Variants in EPS8L1 observed in about 807,000 individuals in gnomAD.
EPS8L1 encodes EPS8 signaling adaptor L1, also known as epidermal growth factor receptor kinase substrate 8-like protein 1.
In EPS8L1, 101 loss-of-function variants were observed where a neutral mutation model predicts 91.7. That is an observed-to-expected ratio of 1.10 (90% CI 0.94 to 1.30). The LOEUF (loss-of-function observed/expected upper bound fraction) is 1.30, where lower values mean the gene tolerates loss of function less well. EPS8L1 is among the 50% of genes most tolerant of loss of function. The pLI is 0.00. For missense variants in EPS8L1, 1,114 were observed against 1,017.0 expected (o/e 1.10, Z -1.30); for synonymous variants, 506 against 445.3 (o/e 1.14, Z -1.72).
At position 55,087,301 on chromosome 19, in the gene EPS8L1, A is replaced by G; in HGVS notation, c.1953-2A>G. 2 of 1,602,506 alleles carry G rather than the reference A, an allele frequency of 1.2e-6. No individual in the cohort carries two copies. The highest frequency in any genetic ancestry group is 1.7e-6 in the Non-Finnish European group (2 of 1,175,232). ...GACCGCGCCCGGGCTGCCCTCGCTC[A>G]GGACCGTGGACGCGCTGGGTGTGCT... On this transcript the variant is annotated splice_acceptor_variant, in intron 18 of 19. Transcript: ENST00000201647. LOFTEE classifies it high-confidence loss of function.
chr19:55,086,634 C>CGGGCCCCCCCCCCCCCCCCCCGG, intron 17 of EPS8L1, 80 bp from the exon 18 acceptor site: 1 of 1,374,858 alleles, frequency 7.3e-7, no homozygotes. Context: ...GACGCTGGAG[C>CGGGCCCCCCCCCCCCCCCCCCGG]GCCCCCCCGC....
At chr19:55,086,681 C>T (rs1234749504) in intron 17 of EPS8L1, 33 bp from the exon 18 acceptor site, 2 of 1,601,052 alleles carry the variant, frequency 1.2e-6, no homozygotes, top group Non-Finnish European at 1.7e-6. Context: ...GCCCTGAGCC[C>T]GCACTCCCTA....
rs757246099 is a variant in EPS8L1, at chr19:55,080,031, G to A, written c.280-98G>A. On this transcript the variant is annotated intron_variant, in intron 5 of 19. Transcript: ENST00000201647. ...GGCTGTTATCCCTAACCCCCTAACCGCCTGAGGTTGCCCTGACCTGCTGGC... is the reference window on the plus strand; with the variant it reads ...GGCTGTTATCCCTAACCCCCTAACCACCTGAGGTTGCCCTGACCTGCTGGC... The A allele has an allele frequency of 3.6e-5, 52 of 1,445,260 alleles. No homozygotes were observed. The Middle Eastern group carries it at 7.2e-4, about 20-fold the overall frequency. The allele number at this position is 1,445,260 out of a possible 1,614,324, so 89.5% of individuals were successfully genotyped here.
rs547442230 is a variant in EPS8L1, at chr19:55,083,441, G to A, written c.1278G>A (p.Pro426=). ...YRPEFFSGWE[P]PVTDPQSRAW... ...CCGAGTTCTTCAGCGGCTGGGAGCC[G>A]CCGGTCACTGACCCGCAGAGCCGCG... The change falls in exon 13 of 20, where the codon CCG becomes CCA. Residue 426 remains proline (P), a synonymous_variant. Coordinates refer to ENST00000201647, the MANE Select transcript of EPS8L1 (RefSeq NM_133180.3). The surrounding 1 kb of genome is among the most constrained non-coding windows in gnomAD (Gnocchi z 4.7). 17 of 1,612,704 alleles carry A rather than the reference G, an allele frequency of 1.1e-5. No homozygotes were observed. In the Admixed American group the frequency reaches 2.3e-4, roughly 22 times the overall value.
At position 55,080,030 on chromosome 19, in the gene EPS8L1, C is replaced by T. The variant is rs2076220181; in HGVS notation, c.280-99C>T. On this transcript the variant is annotated intron_variant, in intron 5 of 19. Coordinates refer to ENST00000201647, the MANE Select transcript of EPS8L1 (RefSeq NM_133180.3). Reference sequence around the variant, plus strand: ...GGGCTGTTATCCCTAACCCCCTAACCGCCTGAGGTTGCCCTGACCTGCTGG... The same window carrying T: ...GGGCTGTTATCCCTAACCCCCTAACTGCCTGAGGTTGCCCTGACCTGCTGG... 6 of 1,444,476 alleles carry T rather than the reference C, an allele frequency of 4.2e-6. No homozygotes were observed. In the South Asian group the frequency reaches 5.8e-5, roughly 14 times the overall value. The allele number at this position is 1,444,476 out of a possible 1,614,324, so 89.5% of individuals were successfully genotyped here.
intron 18 of EPS8L1, 156 bp downstream of exon 18, chr19:55,087,044 C>T (rs1251274703): frequency 3.6e-6 from 4 of 1,114,922 alleles, no homozygotes; most frequent in African/African-American, 3.2e-5. Flanking sequence ...CACCCAATGG[C>T]AGGCTGTGAT....
intron 2 of EPS8L1, among the ~76,000 whole-genome samples, chr19:55,077,584 C>CTTTTTTTTT (rs35750835): frequency 6.5e-5 from 5 of 76,878 alleles, no homozygotes; most frequent in African/African-American, 1.6e-4. Flanking sequence ...CCTGACCTGT[C>CTTTTTTTTT]TTTTTTTTTT....
chr19:55,076,092 AG>A (rs149375299), intron 1 of EPS8L1, among the ~76,000 whole-genome samples, 173 bp downstream of exon 1: 17 of 36,444 alleles, frequency 4.7e-4, no homozygotes, highest in East Asian at 9.8e-4. Context: ...CTGAGGGAGG[AG>A]GGGCTGAGGG....
At chr19:55,080,893 G>T in intron 7 of EPS8L1, 39 bp downstream of exon 7, 1 of 1,550,274 alleles carries the variant, frequency 6.5e-7, no homozygotes, top group Non-Finnish European at 8.8e-7. Context: ...TGGGAAGCCG[G>T]TTTCCCCTCC....
chr19:55,086,914 C>T (rs957780469), intron 18 of EPS8L1, 26 bp downstream of exon 18: 1 of 1,410,550 alleles, frequency 7.1e-7, no homozygotes, highest in Non-Finnish European at 9.2e-7. Context: ...GCCCTCTCGG[C>T]GCGGGTTGAT....
intron 7 of EPS8L1, 62 bp downstream of exon 7, chr19:55,080,916 C>G (rs1246006454): frequency 2.1e-6 from 3 of 1,429,060 alleles, no homozygotes; most frequent in Non-Finnish European, 1.9e-6. Flanking sequence ...GTGCCTCAGT[C>G]TACAACACCA....
intron 19 of EPS8L1, 37 bp from the exon 20 acceptor site, chr19:55,087,491 G>A: frequency 1.2e-6 from 2 of 1,614,148 alleles, no homozygotes; most frequent in South Asian, 2.2e-5. Context: ...CGAGGGCTCG[G>A]ACGCCAGGAC....
Position 55,087,708 on chromosome 19 carries a change from A to T in EPS8L1, c.*94A>T, listed in dbSNP as rs1602959743. On this transcript the variant is annotated 3_prime_UTR_variant, in exon 20 of 20. Transcript: ENST00000201647. Reference sequence around the variant, plus strand: ...ATAGCGGAAGTCGATCTTCTGAAGGATGGCCAATCTGCTCCGGCCCTGGTC... The same window carrying T: ...ATAGCGGAAGTCGATCTTCTGAAGGTTGGCCAATCTGCTCCGGCCCTGGTC... The T allele has an allele frequency of 7.6e-7, 1 of 1,314,016 alleles. No individual in the cohort carries two copies. The highest frequency in any genetic ancestry group is 2.5e-5 in the East Asian group (1 of 40,646). 81.4% of individuals were successfully genotyped at this position (1,314,016 alleles called of 1,614,324 possible).
chr19:55,081,779 C>G lies in EPS8L1; in HGVS notation c.781C>G (p.Leu261Val). 1 of 1,610,500 alleles carries G rather than the reference C, an allele frequency of 6.2e-7. No individual in the cohort carries two copies. The highest frequency in any genetic ancestry group is 1.7e-5 in the Admixed American group (1 of 59,756). The change falls in exon 9 of 20, where the codon CTG becomes GTG. Residue 261 changes from leucine to valine, a missense_variant. By Grantham distance (32) the Leu-to-Val change is conservative. Coordinates refer to ENST00000201647, the MANE Select transcript of EPS8L1 (RefSeq NM_133180.3). The surrounding 1 kb of genome is among the most constrained non-coding windows in gnomAD (Gnocchi z 4.9). ...CCCCTCCTCTGTCCCCTAGGACATCCTGAACCACGTGTTCGACGACGTAGA... is the reference window on the plus strand; with the variant it reads ...CCCCTCCTCTGTCCCCTAGGACATCGTGAACCACGTGTTCGACGACGTAGA... ...VLQAEREVDI[L>V]NHVFDDVESF...
rs1435720830 is a variant in EPS8L1 at position 55,087,020 on chromosome 19, C to G, written c.1952+132C>G. The G allele has an allele frequency of 4.8e-6, 6 of 1,247,586 alleles. No individual in the cohort carries two copies. In the Admixed American group the frequency reaches 1.7e-4, roughly 35 times the overall value. 77.3% of individuals were successfully genotyped at this position (1,247,586 alleles called of 1,614,324 possible). ...GCCGGGATTAGCCCGAAGTGAGGGT[C>G]TGTCTGGTAGCAACACCCAATGGCA... is the stretch of plus-strand genomic sequence containing the variant. On this transcript the variant is annotated intron_variant, in intron 18 of 19. Coordinates refer to ENST00000201647, the MANE Select transcript of EPS8L1 (RefSeq NM_133180.3).
At chr19:55,077,827 T>A (rs1308411224) in intron 2 of EPS8L1, among the ~76,000 whole-genome samples, 1 of 150,968 alleles carries the variant, frequency 6.6e-6, no homozygotes, top group Non-Finnish European at 1.5e-5. Flanking sequence ...GACTTTGTGA[T>A]CCGCCCACCT....
At chr19:55,085,672 G>A in intron 14 of EPS8L1, 169 bp from the exon 15 acceptor site, 1 of 745,916 alleles carries the variant, frequency 1.3e-6, no homozygotes, top group Non-Finnish European at 2.1e-6. Context: ...AACGGAGGGA[G>A]CAAATATATT....
Position 55,083,544 on chromosome 19 carries a change from C to G in EPS8L1, c.1356+25C>G, listed in dbSNP as rs1361171580. The G allele has an allele frequency of 6.2e-7, 1 of 1,604,518 alleles. No homozygotes were observed. Among genetic ancestry groups the G allele is most frequent in the South Asian group, 1.1e-5 (1 of 90,304 alleles). ...GGTGACCCAAGCGACACAGCAGGGC[C>G]GAGGCTGGGAAGTCCGGGGGCGCGG... On this transcript the variant is annotated intron_variant, in intron 13 of 19. Transcript: ENST00000201647. The surrounding 1 kb of genome is among the most constrained non-coding windows in gnomAD (Gnocchi z 4.7).
rs376336501 is a variant in EPS8L1 at position 55,079,761 on chromosome 19, C to A, written c.189C>A (p.Ala63=). ...HTVEDASRKL[A]VMDSQGRVWA... ...TGGAGGATGCCTCCAGGAAGTTGGC[C>A]GTCATGGATAGCCAGGGCCGAGTCT... Residue 63 remains alanine, a synonymous_variant, in exon 5 of 20, where the codon GCC becomes GCA. Transcript: ENST00000201647. 6.2e-7 allele frequency: 1 copy of A among 1,614,114 alleles called. No individual in the cohort carries two copies. The highest frequency in any genetic ancestry group is 1.3e-5 in the African/African-American group (1 of 75,038).
Sources: gnomAD v4.1 joint callset for allele counts (sites outside exome capture counted in the v4.1 genomes callset) on GRCh38, gnomAD v4.1.1 for gene constraint, Gnocchi (gnomAD v3.1) non-coding constraint, MANE v1.5 for transcripts, NCBI Gene and HGNC (gene_info 2026-07-23, HGNC 2026-07-21) for gene names.